Variants in CLDN2 observed in about 807,000 individuals in gnomAD.
The protein encoded by CLDN2 is claudin-2.
Under a neutral mutation model 8.2 loss-of-function variants are expected in CLDN2, and 1 was observed. That is an observed-to-expected ratio of 0.12 (90% confidence interval 0.04 to 0.58). The LOEUF is 0.58. Ranked by LOEUF, CLDN2 falls within the 20% of genes least tolerant of loss-of-function variation. The probability of loss-of-function intolerance (pLI) is 0.90; values close to 1 mark genes in which losing one functional copy is unlikely to be tolerated. For synonymous variants in CLDN2, 70 were observed against 70.2 expected, an observed-to-expected ratio of 1.00 and a Z score of 0.01; for missense variants, 108 against 172.9, an observed-to-expected ratio of 0.62 and a Z score of 2.11.
chrX:106,927,618 C>G (rs1933486815), intron 1 of CLDN2, among the ~76,000 whole-genome samples: 1 of 112,129 alleles, frequency 8.9e-6, no homozygotes, highest in Non-Finnish European at 1.9e-5. Context: ...CTCTAGGCCC[C>G]TGGAGATTCA....
At chrX:106,927,980 G>C in intron 1 of CLDN2, 71 bp from the exon 2 acceptor site, 1 of 296,345 alleles carries the variant, frequency 3.4e-6, no homozygotes, top group Non-Finnish European at 5.9e-6. Context: ...AAGGTCAAAA[G>C]GCATCCAGCG....
chrX:106,927,803 C>T (rs964404421), intron 1 of CLDN2, among the ~76,000 whole-genome samples: 1 of 112,476 alleles, frequency 8.9e-6, no homozygotes, highest in Non-Finnish European at 1.9e-5. Flanking sequence ...CCACCACAAC[C>T]ACCACTGCCA....
chrX:106,924,369 T>A (rs1390708052), intron 1 of CLDN2, among the ~76,000 whole-genome samples: 1 of 110,668 alleles, frequency 9.0e-6, no homozygotes, highest in African/African-American at 3.3e-5. Context: ...AGTAGAAGGA[T>A]TTCCAAGCAG....
intron 1 of CLDN2, among the ~76,000 whole-genome samples, chrX:106,903,950 T>C (rs1002208261): frequency 4.5e-5 from 5 of 112,315 alleles, no homozygotes; most frequent in African/African-American, 6.5e-5. Flanking sequence ...AGTTCATTTG[T>C]CAAAGTGCCC....
At chrX:106,901,632 T>C (rs574917949) in intron 1 of CLDN2, 2 of 908,711 alleles carry the variant, frequency 2.2e-6, no homozygotes, top group South Asian at 4.6e-5. Context: ...GGTAAAATGA[T>C]CTTGAAGAGA....
At chrX:106,927,934 T>TG (rs1933491868) in intron 1 of CLDN2, 117 bp from the exon 2 acceptor site, 1 of 218,186 alleles carries the variant, frequency 4.6e-6, no homozygotes, top group African/African-American at 3.0e-5. Context: ...AGTTGTTTTT[T>TG]TTTTCCTTTC....
chrX:106,913,004 G>T (rs7880561), intron 1 of CLDN2, among the ~76,000 whole-genome samples: 6,551 of 111,374 alleles, frequency 0.059, 494 homozygotes, highest in African/African-American at 0.2. Context: ...GCAATGGGAA[G>T]ATCTGCATAA....
chrX:106,902,271 C>T (rs1213092656), intron 1 of CLDN2: 1 of 1,016,217 alleles, frequency 9.8e-7, no homozygotes, highest in Non-Finnish European at 1.4e-6. Context: ...GGTGGGCTCC[C>T]TGAGATAACA....
chrX:106,900,600 AAAACTTGCCAGAC>A (rs1933075229), intron 1 of CLDN2: 1 of 1,005,338 alleles, frequency 9.9e-7, no homozygotes, highest in East Asian at 3.5e-5. Flanking sequence ...GATGTCTGTG[AAAACTTGCCAGAC>A]AAACTGAACC....
chrX:106,903,665 G>C (rs1933140853), intron 1 of CLDN2, among the ~76,000 whole-genome samples: 1 of 112,329 alleles, frequency 8.9e-6, no homozygotes, highest in African/African-American at 3.2e-5. Flanking sequence ...AAACCACAGA[G>C]ATGTCAGGGA....
At chrX:106,924,883 A>G (rs1427695774) in intron 1 of CLDN2, among the ~76,000 whole-genome samples, 2 of 106,790 alleles carry the variant, frequency 1.9e-5, no homozygotes, top group Admixed American at 1.0e-4. Context: ...TTATTGACTC[A>G]TTTGGAAAGT....
At position 106,928,914 on chromosome X, in the gene CLDN2, A is replaced by G. The variant is rs1933508203; in HGVS notation, c.686A>G (p.Tyr229Cys). 3 of 1,205,355 alleles carry G rather than the reference A, an allele frequency of 2.5e-6. No homozygotes were observed. Among genetic ancestry groups the G allele is most frequent in the Admixed American group, 4.4e-5 (2 of 45,560 alleles). The part of the protein sequence containing the change: ...SEFNSYSLTG[Y>C]V ...TTCAATTCCTACAGCCTGACAGGGT[A>G]TGTGTGAAGAACCAGGGGCCAGAGC... Residue 229 changes from tyrosine (Y) to cysteine (C), a missense_variant, in exon 2 of 2, where the codon TAT becomes TGT. Coordinates refer to ENST00000336803, the MANE Select transcript of CLDN2 (RefSeq NM_020384.4).
At chrX:106,921,107 A>C (rs1933386165) in intron 1 of CLDN2, among the ~76,000 whole-genome samples, 1 of 112,555 alleles carries the variant, frequency 8.9e-6, no homozygotes, top group South Asian at 3.7e-4. Flanking sequence ...TTGAAAATGC[A>C]GTTGGAACCA....
Position 106,929,049 on chromosome X carries a change from T to G in CLDN2, c.*128T>G. 1 of 571,209 alleles carries G rather than the reference T, an allele frequency of 1.8e-6. No individual in the cohort carries two copies. Among genetic ancestry groups the G allele is most frequent in the Non-Finnish European group, 2.8e-6 (1 of 357,946 alleles). 47.1% of individuals were successfully genotyped at this position (571,209 alleles called of 1,213,427 possible). On this transcript the variant is annotated 3_prime_UTR_variant, in exon 2 of 2. Coordinates refer to ENST00000336803, the MANE Select transcript of CLDN2 (RefSeq NM_020384.4). ...AGGTGCTGCTGAGGATAGACTGACT[T>G]TGGCCATTGGATTGAGCAAAGGCAG...
chrX:106,909,131 A>G (rs1269054631), intron 1 of CLDN2, among the ~76,000 whole-genome samples: 3 of 112,138 alleles, frequency 2.7e-5, no homozygotes, highest in Non-Finnish European at 5.6e-5. Context: ...AGAGGTGGAT[A>G]ATAAGAGTAG....
At chrX:106,905,285 G>A (rs1053310878) in intron 1 of CLDN2, among the ~76,000 whole-genome samples, 3 of 111,681 alleles carry the variant, frequency 2.7e-5, no homozygotes, top group African/African-American at 6.5e-5. Flanking sequence ...GGCCTGGCAC[G>A]GTCCCGGCCC....
Position 106,929,516 on chromosome X carries a change from C to T in CLDN2, c.*595C>T, listed in dbSNP as rs1445097089. 1 of 122,967 alleles carries T rather than the reference C, an allele frequency of 8.1e-6. No homozygotes were observed. The highest frequency in any genetic ancestry group is 9.6e-5 in the Admixed American group (1 of 10,471). The allele number at this position is 122,967 out of a possible 1,213,427, so 10.1% of individuals were successfully genotyped here. A position where few individuals can be genotyped will look rare whatever the true frequency, so the allele number is the denominator to read the frequency against. ...CTGAAATAAAACCATCCTACGGTAT[C>T]CAGGGAACAGAAAGCAGGATGCAGG... On this transcript the variant is annotated 3_prime_UTR_variant, in exon 2 of 2. Coordinates refer to ENST00000336803, the MANE Select transcript of CLDN2 (RefSeq NM_020384.4).
upstream of CLDN2, among the ~76,000 whole-genome samples, chrX:106,914,508 C>T (rs1393263963): frequency 9.0e-6 from 1 of 111,651 alleles, no homozygotes; most frequent in Non-Finnish European, 1.9e-5. Flanking sequence ...CCAAAAACCA[C>T]ATATTGCAAC....
At chrX:106,907,460 G>A (rs1046083396) in intron 1 of CLDN2, among the ~76,000 whole-genome samples, 4 of 111,811 alleles carry the variant, frequency 3.6e-5, no homozygotes, top group African/African-American at 1.3e-4. Flanking sequence ...CAGCACTTTG[G>A]GAGGCTGAGG....
Sources: allele counts gnomAD v4.1 joint callset (sites outside exome capture counted in the v4.1 genomes callset), GRCh38; gene constraint gnomAD v4.1.1; transcripts MANE v1.5; gene names NCBI Gene and HGNC (gene_info 2026-07-23, HGNC 2026-07-21).